Variants in FOXN3 observed in about 807,000 individuals in gnomAD.
FOXN3 encodes forkhead box N3, also known as forkhead box protein N3.
A neutral mutation model predicts 38.4 loss-of-function variants in FOXN3; 7 were observed. The observed-to-expected ratio is 0.18, with a 90% confidence interval of 0.10 to 0.34. FOXN3 has a LOEUF of 0.34. Among genes scored for constraint, FOXN3 ranks in the 10% least tolerant of loss-of-function variants. The pLI, the probability that FOXN3 is intolerant of heterozygous loss-of-function variation, is 1.00. For synonymous variants in FOXN3, 230 were observed against 242.2 expected, an observed-to-expected ratio of 0.95 and a Z score of 0.47; for missense variants, 456 against 613.4, an observed-to-expected ratio of 0.74 and a Z score of 2.71.
Position 89,319,258 on chromosome 14 carries a change from TAC to T in FOXN3, c.680+31412_680+31413del, listed in dbSNP as rs571896629. Among the ~76,000 whole-genome samples the T allele has an allele frequency of 1.4e-4, 21 of 152,136 alleles. No homozygotes were observed. In the South Asian group the frequency reaches 4.4e-3, roughly 32 times the overall value. On this transcript the variant is annotated intron_variant, in intron 3 of 5. Transcript: ENST00000557258. The stretch of plus-strand genomic sequence containing the variant: ...CTAGGAGGACTCACAGGACACAGCG[TAC>T]AGTCATGCTCATGGCTATGATTTAT...
At chr14:89,487,118 G>A (rs1476384516) in intron 1 of FOXN3, among the ~76,000 whole-genome samples, 2 of 152,126 alleles carry the variant, frequency 1.3e-5, no homozygotes, top group Admixed American at 6.5e-5. Flanking sequence ...CAAAGTCAAC[G>A]ACTCTATTTT....
intron 1 of FOXN3, among the ~76,000 whole-genome samples, chr14:89,440,698 C>T (rs770029453): frequency 6.6e-6 from 1 of 152,298 alleles, no homozygotes; most frequent in Non-Finnish European, 1.5e-5. Context: ...TATCTCCCTT[C>T]GCTGACTCTT....
chr14:89,343,627 G>GT (rs34453491), intron 3 of FOXN3, among the ~76,000 whole-genome samples: 131,603 of 140,604 alleles, frequency 0.94, 61,798 homozygotes, highest in South Asian at 0.99. Flanking sequence ...AATGTGTGTG[G>GT]TTTTTTTTTT....
intron 1 of FOXN3, among the ~76,000 whole-genome samples, chr14:89,494,908 C>A (rs1893647617): frequency 1.3e-5 from 2 of 152,160 alleles, no homozygotes; most frequent in Admixed American, 6.5e-5. Context: ...TTGTGATTTT[C>A]CTGGAATTTG....
intron 4 of FOXN3, chr14:89,230,606 C>T (rs1214470210): frequency 1.3e-5 from 3 of 225,094 alleles, no homozygotes; most frequent in African/African-American, 6.8e-5. Flanking sequence ...TGACAACTTG[C>T]TTTTTATTTA....
intron 1 of FOXN3, among the ~76,000 whole-genome samples, chr14:89,534,772 A>G (rs1447644226): frequency 6.6e-6 from 1 of 152,216 alleles, no homozygotes; most frequent in African/African-American, 2.4e-5. Context: ...TCCAACGTGC[A>G]TCAAGGTATG....
chr14:89,310,187 G>T (rs1455908781), intron 3 of FOXN3, among the ~76,000 whole-genome samples: 1 of 152,206 alleles, frequency 6.6e-6, no homozygotes, highest in Non-Finnish European at 1.5e-5. Flanking sequence ...TAGGGAGGGG[G>T]ATATGGCTTT....
chr14:89,511,800 A>C (rs1048656256), intron 1 of FOXN3, among the ~76,000 whole-genome samples: 1 of 152,224 alleles, frequency 6.6e-6, no homozygotes, highest in Admixed American at 6.5e-5. Flanking sequence ...CAGGAAACTT[A>C]CAATCATGGT....
At chr14:89,215,521 C>T (rs1248267722) in intron 4 of FOXN3, among the ~76,000 whole-genome samples, 1 of 152,098 alleles carries the variant, frequency 6.6e-6, no homozygotes, top group Non-Finnish European at 1.5e-5. Flanking sequence ...TAATTTTATA[C>T]CCCTGAGGCA....
intron 1 of FOXN3, among the ~76,000 whole-genome samples, chr14:89,434,084 C>T (rs1018680702): frequency 2.6e-5 from 4 of 151,280 alleles, no homozygotes; most frequent in Admixed American, 6.6e-5. Context: ...CCACTACGCC[C>T]GGCTAATTTT....
At chr14:89,394,434 T>C (rs1305588033) in intron 2 of FOXN3, among the ~76,000 whole-genome samples, 1 of 152,090 alleles carries the variant, frequency 6.6e-6, no homozygotes, top group African/African-American at 2.4e-5. Context: ...CTCGAACTCC[T>C]GACCTCAGGT....
At chr14:89,193,399 A>G (rs1037955784) in intron 4 of FOXN3, among the ~76,000 whole-genome samples, 1 of 152,180 alleles carries the variant, frequency 6.6e-6, no homozygotes, top group Non-Finnish European at 1.5e-5. Context: ...GAAAACAGAA[A>G]GAGAGAAAGA....
In FOXN3 at chr14:89,162,282, G is replaced by T; in HGVS notation, c.*132C>A. 1.4e-6 allele frequency: 1 copy of T among 730,478 alleles called. No homozygotes were observed. The highest frequency in any genetic ancestry group is 2.1e-6 in the Non-Finnish European group (1 of 475,570). 45.2% of individuals were successfully genotyped at this position (730,478 alleles called of 1,614,324 possible). A position where few individuals can be genotyped will look rare whatever the true frequency, so the allele number is the denominator to read the frequency against. ...AAATTAAAACAAAATAAAAGGAAAA[G>T]AAAAGAAAGAAAACCAAACCAAAAA... On this transcript the variant is annotated 3_prime_UTR_variant, in exon 6 of 6. Transcript: ENST00000557258. The surrounding 1 kb of genome is among the most constrained non-coding windows in gnomAD (Gnocchi z 7.2).
intron 1 of FOXN3, among the ~76,000 whole-genome samples, chr14:89,602,511 T>G (rs1896173880): frequency 6.6e-6 from 1 of 151,974 alleles, no homozygotes; most frequent in Admixed American, 6.6e-5. Flanking sequence ...TCTTTTTTTC[T>G]TTTGAGATGG....
intron 1 of FOXN3, among the ~76,000 whole-genome samples, chr14:89,586,312 A>G (rs1470939914): frequency 6.6e-6 from 1 of 152,196 alleles, no homozygotes; most frequent in African/African-American, 2.4e-5. Context: ...AATACAAGAG[A>G]CAAGATGCCA....
chr14:89,233,778 T>C (rs1316393606), intron 4 of FOXN3, among the ~76,000 whole-genome samples: 3 of 152,180 alleles, frequency 2.0e-5, no homozygotes, highest in Non-Finnish European at 4.4e-5. Context: ...TGACCTCGGG[T>C]AGGTCCCAAG....
chr14:89,512,908 AGGTG>A (rs1431968877), intron 1 of FOXN3, among the ~76,000 whole-genome samples: 1 of 152,118 alleles, frequency 6.6e-6, no homozygotes, highest in African/African-American at 2.4e-5. Flanking sequence ...TGGGAGGCCG[AGGTG>A]GGTGGATCAC....
At chr14:89,193,170 A>G (rs1389223934) in intron 4 of FOXN3, among the ~76,000 whole-genome samples, 1 of 151,832 alleles carries the variant, frequency 6.6e-6, no homozygotes, top group East Asian at 1.9e-4. Flanking sequence ...TGGCCTGGCT[A>G]CATGGTCCCT....
At chr14:89,522,470 C>A (rs867603716) in intron 1 of FOXN3, among the ~76,000 whole-genome samples, 2 of 152,116 alleles carry the variant, frequency 1.3e-5, no homozygotes, top group African/African-American at 2.4e-5. Flanking sequence ...TATAAAATAA[C>A]TTTCTTTCTT....
Sources: allele counts gnomAD v4.1 joint callset (sites outside exome capture counted in the v4.1 genomes callset), GRCh38; gene constraint gnomAD v4.1.1; non-coding constraint Gnocchi (gnomAD v3.1); transcripts MANE v1.5; gene names NCBI Gene and HGNC (gene_info 2026-07-23, HGNC 2026-07-21).